The following TSC22D3 variants were observed in gnomAD, a reference collection of about 807,000 sequenced individuals.
TSC22D3 encodes the protein TSC22 domain family protein 3.
In TSC22D3, 4 loss-of-function variants were observed where a neutral mutation model predicts 11.1. The observed-to-expected ratio is 0.36, with a 90% CI of 0.18 to 0.83. The LOEUF (loss-of-function observed/expected upper bound fraction) is 0.83, where lower values mean the gene tolerates loss of function less well. Ranked by LOEUF, TSC22D3 falls within the 40% of genes least tolerant of loss-of-function variation. The pLI is 0.48. For missense variants in TSC22D3, 118 were observed against 159.4 expected (o/e 0.74, Z 1.40); for synonymous variants, 77 against 70.3 (o/e 1.10, Z -0.48).
rs1473606593 is a variant in TSC22D3 at position 107,775,329 on chromosome X, G to T, written c.91C>A (p.Arg31=). ...LDLAHRSGLQ[R]GSSGENNNPG... Reference sequence around the variant, plus strand: ...TTGTTGTTCTCCCCGCTGCTGCCTCGCTGGAGCCCACTCCGATGGGCCAGG... The same window carrying T: ...TTGTTGTTCTCCCCGCTGCTGCCTCTCTGGAGCCCACTCCGATGGGCCAGG... Residue 31 remains arginine, a synonymous_variant, in exon 1 of 3, where the codon CGA becomes AGA. Coordinates refer to ENST00000372383, the MANE Select transcript of TSC22D3 (RefSeq NM_198057.3). 3.3e-6 allele frequency: 4 copies of T among 1,210,765 alleles called. No homozygotes were observed. Among genetic ancestry groups the T allele is most frequent in the Non-Finnish European group, 4.5e-6 (4 of 894,971 alleles).
intron 1 of TSC22D3, among the ~76,000 whole-genome samples, chrX:107,718,482 T>C (rs1305006902): frequency 8.8e-6 from 1 of 113,075 alleles, no homozygotes; most frequent in African/African-American, 3.2e-5. Flanking sequence ...TGGGGCCTCT[T>C]ATCAGCAAAG....
chrX:107,732,883 AG>A, intron 1 of TSC22D3, among the ~76,000 whole-genome samples: 1 of 111,041 alleles, frequency 9.0e-6, no homozygotes, highest in East Asian at 2.8e-4. Context: ...GGATCGCTTG[AG>A]GCCAGGAGTT....
chrX:107,728,554 C>T (rs1347151734), intron 1 of TSC22D3, among the ~76,000 whole-genome samples: 1 of 111,996 alleles, frequency 8.9e-6, no homozygotes, highest in Non-Finnish European at 1.9e-5. Context: ...AGCCCAGGAG[C>T]AGGGTGGCCA....
chrX:107,751,466 G>C (rs1450480728), intron 1 of TSC22D3, among the ~76,000 whole-genome samples: 1 of 112,313 alleles, frequency 8.9e-6, no homozygotes, highest in Non-Finnish European at 1.9e-5. Flanking sequence ...CATTCGGAAG[G>C]ACTGTAACCC....
intron 1 of TSC22D3, chrX:107,716,634 C>T (rs1480507970): frequency 2.6e-6 from 3 of 1,154,442 alleles, no homozygotes; most frequent in Admixed American, 2.6e-5. Flanking sequence ...GGCTCCTAGC[C>T]CAGCTCCGGC....
chrX:107,722,718 C>T (rs1414149436), intron 1 of TSC22D3, among the ~76,000 whole-genome samples: 2 of 111,177 alleles, frequency 1.8e-5, no homozygotes, highest in African/African-American at 3.3e-5. Context: ...TCCACCCTCC[C>T]TATTGTCCAT....
intron 1 of TSC22D3, among the ~76,000 whole-genome samples, chrX:107,742,267 G>C (rs756868031): frequency 1.3e-5 from 1 of 74,499 alleles, no homozygotes; most frequent in African/African-American, 6.1e-5. Flanking sequence ...ATTTGAGAGA[G>C]AGAGAGAGAG....
intron 1 of TSC22D3, among the ~76,000 whole-genome samples, chrX:107,767,241 G>A (rs1929711912): frequency 9.0e-6 from 1 of 111,731 alleles, no homozygotes; most frequent in Non-Finnish European, 1.9e-5. Flanking sequence ...GGAAGGATGG[G>A]GAAGGTCCCT....
At chrX:107,717,094 G>A in intron 1 of TSC22D3, 1 of 913,805 alleles carries the variant, frequency 1.1e-6, no homozygotes, top group Non-Finnish European at 1.4e-6. Flanking sequence ...TCTTTATATA[G>A]GAGGAGCCGG....
chrX:107,731,732 C>T (rs1021579979), intron 1 of TSC22D3, among the ~76,000 whole-genome samples: 8 of 110,992 alleles, frequency 7.2e-5, no homozygotes, highest in Non-Finnish European at 1.1e-4. Context: ...GGTCTTCAGG[C>T]CCTCGTCCTC....
chrX:107,774,553 A>G (rs749983319), intron 1 of TSC22D3, among the ~76,000 whole-genome samples: 9 of 111,272 alleles, frequency 8.1e-5, no homozygotes, highest in Admixed American at 1.9e-4. Flanking sequence ...GGCTCAAGAA[A>G]TTCTCACAAG....
intron 1 of TSC22D3, among the ~76,000 whole-genome samples, chrX:107,735,799 C>T (rs977201368): frequency 6.3e-5 from 7 of 110,303 alleles, no homozygotes; most frequent in South Asian, 3.9e-4. Flanking sequence ...CCCATACCAA[C>T]GAGTTGGCTT....
intron 1 of TSC22D3, among the ~76,000 whole-genome samples, chrX:107,761,261 G>A (rs940401709): frequency 8.9e-6 from 1 of 112,148 alleles, no homozygotes; most frequent in African/African-American, 3.2e-5. Flanking sequence ...CCTTGTGAGG[G>A]CAGAGAAGCC....
intron 1 of TSC22D3, among the ~76,000 whole-genome samples, chrX:107,757,374 G>C (rs1471922919): frequency 8.9e-6 from 1 of 111,848 alleles, no homozygotes; most frequent in Non-Finnish European, 1.9e-5. Context: ...GAGGGAGGCA[G>C]GGCTGAGGCC....
At chrX:107,742,281 A>AGAGAGAGAGAGAGAG (rs1928441990) in intron 1 of TSC22D3, among the ~76,000 whole-genome samples, 1 of 56,811 alleles carries the variant, frequency 1.8e-5, no homozygotes, top group African/African-American at 7.9e-5. Context: ...GAGAGAGAGA[A>AGAGAGAGAGAGAGAG]AGAGAGAGAG....
intron 1 of TSC22D3, among the ~76,000 whole-genome samples, chrX:107,758,268 C>T (rs957764452): frequency 1.4e-4 from 15 of 105,974 alleles, no homozygotes; most frequent in African/African-American, 3.1e-4. Flanking sequence ...ATGTGGTTGG[C>T]GGAGCACATT....
Position 107,775,080 on chromosome X carries a change from C to T in TSC22D3, c.320+20G>A, listed in dbSNP as rs750793940. 8.3e-7 allele frequency: 1 copy of T among 1,205,954 alleles called. No homozygotes were observed. The stretch of plus-strand genomic sequence containing the variant: ...GGTGGGAGCAAGGACCGAGTTGCCG[C>T]CGTGTGCCGAGCCACCCACCTGTGG... On this transcript the variant is annotated intron_variant, in intron 1 of 2. Coordinates refer to ENST00000372383, the MANE Select transcript of TSC22D3 (RefSeq NM_198057.3).
At chrX:107,721,228 C>T (rs1157775694) in intron 1 of TSC22D3, among the ~76,000 whole-genome samples, 1 of 112,121 alleles carries the variant, frequency 8.9e-6, no homozygotes, top group Non-Finnish European at 1.9e-5. Context: ...GGCCAATTCC[C>T]TTCATTTCAG....
intron 1 of TSC22D3, among the ~76,000 whole-genome samples, chrX:107,723,049 G>T (rs1458419009): frequency 1.8e-5 from 2 of 110,155 alleles, no homozygotes; most frequent in African/African-American, 6.6e-5. Flanking sequence ...GGGCTTGGGG[G>T]TGCTTGGGTT....
Sources: gnomAD v4.1 joint callset for allele counts (sites outside exome capture counted in the v4.1 genomes callset) on GRCh38, gnomAD v4.1.1 for gene constraint, MANE v1.5 for transcripts, NCBI Gene and HGNC (gene_info 2026-07-23, HGNC 2026-07-21) for gene names.